Variants in MYOM3 observed in about 807,000 individuals in gnomAD.
The protein encoded by MYOM3 is myomesin 3.
Under a neutral mutation model 191.7 loss-of-function variants are expected in MYOM3, and 155 were observed. That is an observed-to-expected ratio of 0.81 (90% CI 0.71 to 0.92). The LOEUF (loss-of-function observed/expected upper bound fraction) is 0.92. Among genes scored for constraint, MYOM3 ranks in the 40% least tolerant of loss-of-function variants. MYOM3 has a pLI of 0.00. For missense variants in MYOM3, 1,889 were observed against 1,890.6 expected (o/e 1.00, Z 0.02); for synonymous variants, 757 against 762.9 (o/e 0.99, Z 0.13).
rs1434938514 is a variant in MYOM3, at chr1:24,098,001, C to T, written c.667G>A (p.Glu223Lys). The T allele has an allele frequency of 6.2e-7, 1 of 1,611,246 alleles. No individual in the cohort carries two copies. The highest frequency in any genetic ancestry group is 8.5e-7 in the Non-Finnish European group (1 of 1,177,356). ...CGCACAGTGTAAGTTGCTGAGTCCTCAATGGCGCATCTGAAAAGGAGAGAG... is the reference window on the plus strand; with the variant it reads ...CGCACAGTGTAAGTTGCTGAGTCCTTAATGGCGCATCTGAAAAGGAGAGAG... ...LSLEIRRCAI[E>K]DSATYTVRVK... is the part of the protein sequence containing the mutation. Residue 223 changes from glutamate to lysine, a missense_variant, in exon 7 of 37, where the codon GAG becomes AAG. By Grantham distance (56) the Glu-to-Lys change is moderately conservative (BLOSUM62 1). Coordinates refer to ENST00000374434, the MANE Select transcript of MYOM3 (RefSeq NM_152372.4).
chr1:24,091,724 A>G (rs1643836544), intron 11 of MYOM3, among the ~76,000 whole-genome samples: 1 of 152,208 alleles, frequency 6.6e-6, no homozygotes, highest in Non-Finnish European at 1.5e-5. Context: ...CCGTGGCAGC[A>G]TTAGCTATTT....
intron 4 of MYOM3, 21 bp downstream of exon 4, chr1:24,107,052 C>T: frequency 6.3e-7 from 1 of 1,591,018 alleles, no homozygotes; most frequent in Non-Finnish European, 8.6e-7. Flanking sequence ...GGCCCTGGGG[C>T]TCCACGGCCC....
chr1:24,099,917 G>A (rs1643900472), intron 5 of MYOM3, 142 bp from the exon 6 acceptor site: 1 of 644,298 alleles, frequency 1.6e-6, no homozygotes, highest in African/African-American at 1.8e-5. Flanking sequence ...ACCCAGGCTG[G>A]AGCGCAGTAG....
At chr1:24,070,236 A>C (rs1643509342) in intron 25 of MYOM3, among the ~76,000 whole-genome samples, 1 of 152,222 alleles carries the variant, frequency 6.6e-6, no homozygotes, top group Non-Finnish European at 1.5e-5. Flanking sequence ...AGAAAAGCAA[A>C]AAAATCAGAA....
chr1:24,092,037 T>C, intron 11 of MYOM3, 137 bp downstream of exon 11: 1 of 774,094 alleles, frequency 1.3e-6, no homozygotes, highest in Non-Finnish European at 1.9e-6. Context: ...CAGCACAGCC[T>C]GTCTCCTGTC....
Position 24,063,605 on chromosome 1 carries a change from G to C in MYOM3, c.3623-75C>G. The C allele has an allele frequency of 1.3e-6, 2 of 1,565,906 alleles. No individual in the cohort carries two copies. The highest frequency in any genetic ancestry group is 1.8e-6 in the Non-Finnish European group (2 of 1,139,002). ...ATGTGCTAGGAGTGGGGACATCCTA[G>C]AAAAAGGCTGGTGGAGCCCGTGAGC... On this transcript the variant is annotated intron_variant, in intron 30 of 36. Transcript: ENST00000374434. This position sits in a 1 kb window ranked among gnomAD's most constrained non-coding sequence, Gnocchi z 4.5.
At chr1:24,093,274 G>C (rs1021649890) in intron 9 of MYOM3, among the ~76,000 whole-genome samples, 166 bp from the exon 10 acceptor site, 4 of 152,194 alleles carry the variant, frequency 2.6e-5, no homozygotes, top group Non-Finnish European at 5.9e-5. Flanking sequence ...CTTTGCCAAG[G>C]CAGGCAGTGG....
Position 24,063,669 on chromosome 1 carries a change from C to CCT in MYOM3, c.3623-140_3623-139insAG. The CCT allele has an allele frequency of 1.0e-6, 1 of 963,744 alleles. No individual in the cohort carries two copies. The highest frequency in any genetic ancestry group is 1.6e-6 in the Non-Finnish European group (1 of 618,742). The allele number at this position is 963,744 out of a possible 1,614,324, so 59.7% of individuals were successfully genotyped here. ...ACAGGCAACTCTGTAGGATGACTCT[C>CCT]ATAGCTTGGGGATAGGAGGGGGTTC... is the stretch of plus-strand genomic sequence containing the variant. On this transcript the variant is annotated intron_variant, in intron 30 of 36. Transcript: ENST00000374434. This position sits in a 1 kb window ranked among gnomAD's most constrained non-coding sequence, Gnocchi z 4.5.
At position 24,090,045 on chromosome 1, in the gene MYOM3, T is replaced by A. The variant is rs1273220383; in HGVS notation, c.1486+20A>T. The A allele has an allele frequency of 6.2e-7, 1 of 1,611,946 alleles. No individual in the cohort carries two copies. Among genetic ancestry groups the A allele is most frequent in the East Asian group, 2.2e-5 (1 of 44,870 alleles). On this transcript the variant is annotated intron_variant, in intron 13 of 36. Transcript: ENST00000374434. Reference sequence around the variant, plus strand: ...TGAGAACTATACAGGAGGCCCAGTGTGTGGGAGGATCCCGCGTACCTTCAA... The same window carrying A: ...TGAGAACTATACAGGAGGCCCAGTGAGTGGGAGGATCCCGCGTACCTTCAA...
At position 24,090,988 on chromosome 1, in the gene MYOM3, C is replaced by T. The variant is rs777505312; in HGVS notation, c.1241G>A (p.Gly414Asp). 6.2e-7 allele frequency: 1 copy of T among 1,613,724 alleles called. No homozygotes were observed. Among genetic ancestry groups the T allele is most frequent in the East Asian group, 2.2e-5 (1 of 44,882 alleles). ...ITAYTIERCQ[G>D]ESGEWIACHE... ...GCAGGCGATCCATTCCCCAGACTCG[C>T]CCTGGCACCTGTTGGAGACAGGCCC... Residue 414 changes from glycine to aspartate, a missense_variant, in exon 12 of 37, where the codon GGC becomes GAC. By Grantham distance (94) the Gly-to-Asp change is moderately conservative. Coordinates refer to ENST00000374434, the MANE Select transcript of MYOM3 (RefSeq NM_152372.4).
At chr1:24,068,678 A>ATTTTC (rs1643485690) in intron 25 of MYOM3, among the ~76,000 whole-genome samples, 1 of 151,100 alleles carries the variant, frequency 6.6e-6, no homozygotes. Flanking sequence ...GATTTTGCCT[A>ATTTTC]TTTTCTTTTC....
intron 14 of MYOM3, among the ~76,000 whole-genome samples, chr1:24,088,797 A>C (rs959938207): frequency 2.0e-5 from 3 of 152,098 alleles, no homozygotes; most frequent in Non-Finnish European, 4.4e-5. Flanking sequence ...AGTCAAGAAC[A>C]CCTCCTTGGG....
Position 24,094,870 on chromosome 1 carries a change from A to T in MYOM3, c.911T>A (p.Ile304Asn). 2 of 1,613,382 alleles carry T rather than the reference A, an allele frequency of 1.2e-6. No homozygotes were observed. The highest frequency in any genetic ancestry group is 2.2e-5 in the East Asian group (1 of 44,866). Reference protein sequence around the residue: ...FSEDVLDAESIQWFRDGSLLR... With the variant: ...FSEDVLDAESNQWFRDGSLLR... ...GTCCTTACCATCTCGGAACCACTGG[A>T]TGCTCTCAGCATCTAACACATCTTC... is the stretch of plus-strand genomic sequence containing the variant. Residue 304 changes from isoleucine (I) to asparagine (N), a missense_variant, in exon 9 of 37, where the codon ATC becomes AAC. Transcript: ENST00000374434.
In MYOM3 at chr1:24,056,094, C is replaced by T. The variant is rs1251826884; in HGVS notation, c.*1270G>A. The T allele has an allele frequency of 1.3e-5, 2 of 152,062 alleles. No homozygotes were observed. Among genetic ancestry groups the T allele is most frequent in the African/African-American group, 4.8e-5 (2 of 41,396 alleles). 9.4% of individuals were successfully genotyped at this position (152,062 alleles called of 1,614,324 possible). A position where few individuals can be genotyped will look rare whatever the true frequency, so the allele number is the denominator to read the frequency against. On this transcript the variant is annotated 3_prime_UTR_variant, in exon 37 of 37. Transcript: ENST00000374434. ...TTTCTCTATAATTTCCAGGGTTTTC[C>T]AAAATTTTACAACAAACATCTATAA... is the stretch of plus-strand genomic sequence containing the variant.
intron 18 of MYOM3, 44 bp downstream of exon 18, chr1:24,081,957 C>T (rs748550972): frequency 6.4e-7 from 1 of 1,566,440 alleles, no homozygotes; most frequent in East Asian, 2.2e-5. Flanking sequence ...CTGGTCGCTG[C>T]TAAACAAGTC....
chr1:24,082,894 A>G (rs1557609303), intron 16 of MYOM3, 180 bp from the exon 17 acceptor site: 16 of 647,030 alleles, frequency 2.5e-5, no homozygotes, highest in Non-Finnish European at 3.6e-5. Context: ...GACACCGTGG[A>G]GGGGGTAGAC....
In MYOM3 at chr1:24,090,801, C is replaced by T; in HGVS notation, c.1428G>A (p.Lys476=). The change falls in exon 12 of 37, where the codon AAG becomes AAA. Residue 476 remains lysine, a synonymous_variant. Transcript: ENST00000374434. ...GCTTAGGACCTCTGTACCCACCTGT[C>T]TTCCTCCGGGCTGCATCATGGTCAC... ...VMGDHDAARR[K]TEIPFDLGNK... 3 of 1,614,122 alleles carry T rather than the reference C, an allele frequency of 1.9e-6. No individual in the cohort carries two copies. Among genetic ancestry groups the T allele is most frequent in the Non-Finnish European group, 2.5e-6 (3 of 1,180,016 alleles).
intron 19 of MYOM3, 149 bp from the exon 20 acceptor site, chr1:24,080,343 G>C: frequency 1.6e-6 from 1 of 633,098 alleles, no homozygotes; most frequent in Admixed American, 3.4e-5. Flanking sequence ...GTGTCGCCAA[G>C]CCCGGGCCAA....
intron 8 of MYOM3, 140 bp downstream of exon 8, chr1:24,095,300 GGT>G: frequency 2.4e-6 from 2 of 816,672 alleles, no homozygotes; most frequent in Non-Finnish European, 4.0e-6. Context: ...GTCAGGTGCA[GGT>G]ATTACCAGCT....
Sources: allele counts gnomAD v4.1 joint callset (sites outside exome capture counted in the v4.1 genomes callset), GRCh38; gene constraint gnomAD v4.1.1; non-coding constraint Gnocchi (gnomAD v3.1); transcripts MANE v1.5; gene names NCBI Gene and HGNC (gene_info 2026-07-23, HGNC 2026-07-21).